Variants in KIF22 observed in about 807,000 individuals in gnomAD.
KIF22 encodes kinesin family member 22.
A neutral mutation model predicts 73.0 loss-of-function variants in KIF22; 62 were observed. That is an observed-to-expected ratio of 0.85 (90% CI 0.69 to 1.05). The LOEUF (loss-of-function observed/expected upper bound fraction) is 1.05, where lower values mean the gene tolerates loss of function less well. KIF22 is among the 50% of genes least tolerant of loss of function. The probability of loss-of-function intolerance (pLI) is 0.00; values close to 1 mark genes in which losing one functional copy is unlikely to be tolerated. For synonymous variants in KIF22, 411 were observed against 340.1 expected, an observed-to-expected ratio of 1.21 and a Z score of -2.29; for missense variants, 854 against 870.1, an observed-to-expected ratio of 0.98 and a Z score of 0.23.
Position 29,802,828 on chromosome 16 carries a change from A to G in KIF22, c.1340A>G (p.Asp447Gly). Reference protein sequence around the residue: ...PAMLERLLSLDRLLASQGSQG... With the variant: ...PAMLERLLSLGRLLASQGSQG... ...ATGCTGGAGCGCCTCCTCAGCTTGGACCGTCTGCTTGCCTCCCAGGGGAGC... is the reference window on the plus strand; with the variant it reads ...ATGCTGGAGCGCCTCCTCAGCTTGGGCCGTCTGCTTGCCTCCCAGGGGAGC... Residue 447 changes from aspartate (D) to glycine (G), a missense_variant, in exon 9 of 14, where the codon GAC (aspartate) becomes GGC (glycine). This residue lies in a region of KIF22 where 423 missense variants were observed against 365.4 expected (regional missense o/e 1.16). Transcript: ENST00000160827. 6.2e-7 allele frequency: 1 copy of G among 1,610,820 alleles called. No individual in the cohort carries two copies. Among genetic ancestry groups the G allele is most frequent in the Non-Finnish European group, 8.5e-7 (1 of 1,178,814 alleles).
Position 29,798,287 on chromosome 16 carries a change from A to AGCC in KIF22, c.267-87_267-86insGCC. On this transcript the variant is annotated intron_variant, in intron 2 of 13. Transcript: ENST00000160827. This position sits in a 1 kb window ranked among gnomAD's most constrained non-coding sequence, Gnocchi z 4.1. ...GGTCCAGATGAGAGTAGAATCCCTT[A>AGCC]CCCACCCCCACCCCACTCCACCCCT... 2 of 590,650 alleles carry AGCC rather than the reference A, an allele frequency of 3.4e-6. No homozygotes were observed. Among genetic ancestry groups the AGCC allele is most frequent in the Non-Finnish European group, 5.8e-6 (2 of 343,580 alleles). 36.6% of individuals were successfully genotyped at this position (590,650 alleles called of 1,614,324 possible).
At position 29,805,221 on chromosome 16, in the gene KIF22, C is replaced by T. The variant is rs774344513; in HGVS notation, c.1951-42C>T. 6 of 1,614,000 alleles carry T rather than the reference C, an allele frequency of 3.7e-6. No homozygotes were observed. In the African/African-American group the frequency reaches 6.7e-5, roughly 18 times the overall value. On this transcript the variant is annotated intron_variant, in intron 13 of 13. Coordinates refer to ENST00000160827, the MANE Select transcript of KIF22 (RefSeq NM_007317.3). ...TCCTCTGCCTGTCCTGCGCCCCGCGCCCCTCTCTAACGTCGCTGTCTCCCT... is the reference window on the plus strand; with the variant it reads ...TCCTCTGCCTGTCCTGCGCCCCGCGTCCCTCTCTAACGTCGCTGTCTCCCT...
At chr16:29,801,105 A>C (rs955857416) in intron 8 of KIF22, among the ~76,000 whole-genome samples, 1 of 152,054 alleles carries the variant, frequency 6.6e-6, no homozygotes, top group African/African-American at 2.4e-5. Context: ...CTCTCCGGGG[A>C]GCCAGCTGCT....
chr16:29,804,446 CA>C (rs1321711183), intron 11 of KIF22: 1 of 631,598 alleles, frequency 1.6e-6, no homozygotes, highest in Non-Finnish European at 2.9e-6. Context: ...GGGGAGGTAT[CA>C]TTTATTCATA....
In KIF22 at chr16:29,804,065, GGTGAAA is replaced by G; in HGVS notation, c.1677+3_1677+8del. ...TGAAGAATAAAGGCCGGAAGAGAAA[GGTGAAA>G]GTAGCTGGGGGCTTAGGCTACACCT... On this transcript the variant is annotated splice_donor_variant and splice_donor_5th_base_variant and intron_variant, in intron 11 of 13. Transcript: ENST00000160827. LOFTEE classifies it high-confidence loss of function. 1 of 1,613,048 alleles carries G rather than the reference GGTGAAA, an allele frequency of 6.2e-7. No homozygotes were observed. Among genetic ancestry groups the G allele is most frequent in the Non-Finnish European group, 8.5e-7 (1 of 1,179,052 alleles).
At chr16:29,803,061 T>C in intron 9 of KIF22, 124 bp downstream of exon 9, 1 of 920,100 alleles carries the variant, frequency 1.1e-6, no homozygotes, top group Non-Finnish European at 1.7e-6. Context: ...TACCGGAAGT[T>C]CTCCAGCTTC....
Position 29,804,848 on chromosome 16 carries a change from A to C in KIF22, c.1712A>C (p.Lys571Thr), listed in dbSNP as rs1350068698. The change falls in exon 12 of 14, where the codon AAG becomes ACG. Residue 571 changes from lysine (K) to threonine (T), a missense_variant. This residue lies in a region of KIF22 where 423 missense variants were observed against 365.4 expected (regional missense o/e 1.16). Coordinates refer to ENST00000160827, the MANE Select transcript of KIF22 (RefSeq NM_007317.3). The stretch of plus-strand genomic sequence containing the variant: ...CTGGATGCCCTAGAGCCTGAGGAGA[A>C]GGCTGAGGACTGCTGGGAGCTACAG... ...ESLDALEPEE[K>T]AEDCWELQIS... The C allele has an allele frequency of 5.0e-6, 8 of 1,613,178 alleles. No homozygotes were observed. Among genetic ancestry groups the C allele is most frequent in the African/African-American group, 1.3e-5 (1 of 75,038 alleles).
chr16:29,804,918 T>G lies in KIF22; in HGVS notation c.1782T>G (p.Asp594Glu), dbSNP rs1454299316. The G allele has an allele frequency of 2.5e-6, 4 of 1,613,732 alleles. No individual in the cohort carries two copies. The highest frequency in any genetic ancestry group is 3.4e-6 in the Non-Finnish European group (4 of 1,180,022). The change falls in exon 12 of 14, where the codon GAT (aspartate) becomes GAG (glutamate). Residue 594 changes from aspartate (D) to glutamate (E), a missense_variant. Asp to Glu is a conservative substitution (Grantham distance 45). Coordinates refer to ENST00000160827, the MANE Select transcript of KIF22 (RefSeq NM_007317.3). ...LLAHGRQKIL[D>E]LLNEGSARDL... ...CTCATGGGCGCCAAAAAATACTGGA[T>G]CTGCTGAACGAAGGCTCAGCCCGAG...
rs1899069482 is a variant in KIF22 at position 29,799,754 on chromosome 16, T to C, written c.1117T>C (p.Phe373Leu). The C allele has an allele frequency of 6.2e-7, 1 of 1,613,210 alleles. No individual in the cohort carries two copies. The highest frequency in any genetic ancestry group is 8.5e-7 in the Non-Finnish European group (1 of 1,179,668). ...ARSKEVINRP[F>L]TNESLQPHAL... is the part of the protein sequence containing the mutation. ...GTCCAAGGAGGTGATCAATCGGCCT[T>C]TTACCAATGAGAGCCTGCAGCCTCA... is the stretch of plus-strand genomic sequence containing the variant. The change falls in exon 7 of 14, where the codon TTT becomes CTT. Residue 373 changes from phenylalanine to leucine, a missense_variant. Transcript: ENST00000160827.
chr16:29,803,891 C>A, intron 10 of KIF22, 107 bp from the exon 11 acceptor site: 1 of 881,072 alleles, frequency 1.1e-6, no homozygotes, highest in Non-Finnish European at 1.9e-6. Flanking sequence ...CAGGTTAACT[C>A]TGGATGGAGG....
intron 11 of KIF22, 92 bp downstream of exon 11, chr16:29,804,157 C>G: frequency 9.8e-7 from 1 of 1,018,198 alleles, no homozygotes; most frequent in Non-Finnish European, 1.6e-6. Flanking sequence ...TGGGGTTAAA[C>G]GAACTGGATG....
rs1360543661 is a variant in KIF22 at position 29,805,248 on chromosome 16, C to T, written c.1951-15C>T. ...CCTCTCTAACGTCGCTGTCTCCCTC[C>T]CTCCTGTGTTGCAGGCAAACATCCT... is the stretch of plus-strand genomic sequence containing the variant. On this transcript the variant is annotated splice_polypyrimidine_tract_variant and intron_variant, in intron 13 of 13. Coordinates refer to ENST00000160827, the MANE Select transcript of KIF22 (RefSeq NM_007317.3). The T allele has an allele frequency of 1.2e-6, 2 of 1,613,852 alleles. No individual in the cohort carries two copies. The highest frequency in any genetic ancestry group is 1.7e-6 in the Non-Finnish European group (2 of 1,180,052).
At position 29,798,633 on chromosome 16, in the gene KIF22, G is replaced by T. The variant is rs1204672046; in HGVS notation, c.435G>T (p.Gly145=). The change falls in exon 4 of 14, where the codon GGG becomes GGT. Residue 145 remains glycine, a synonymous_variant. Transcript: ENST00000160827. The surrounding 1 kb of genome is among the most constrained non-coding windows in gnomAD (Gnocchi z 4.1). ...HTMLGSPEQP[G]VIPRALMDLL... is the part of the protein sequence containing the mutation. Reference sequence around the variant, plus strand: ...TGCTGGGCAGCCCAGAGCAACCTGGGGTGATCCCGCGGGCTCTCATGGACC... The same window carrying T: ...TGCTGGGCAGCCCAGAGCAACCTGGTGTGATCCCGCGGGCTCTCATGGACC... 3.7e-6 allele frequency: 6 copies of T among 1,614,166 alleles called. No individual in the cohort carries two copies. Among genetic ancestry groups the T allele is most frequent in the Non-Finnish European group, 4.2e-6 (5 of 1,180,038 alleles).
rs1417242701 is a variant in KIF22, at chr16:29,797,528, G to GT, written c.266+445dup. ...ATTTAAAGTTCAAACTCCTTGGCCTGTTTTTCTAGGCGGGGGCTGGCAAAC... is the reference window on the plus strand; with the variant it reads ...ATTTAAAGTTCAAACTCCTTGGCCTGTTTTTTCTAGGCGGGGGCTGGCAAAC... On this transcript the variant is annotated intron_variant, in intron 2 of 13. Transcript: ENST00000160827. The surrounding 1 kb of genome is among the most constrained non-coding windows in gnomAD (Gnocchi z 4.1). Among the ~76,000 whole-genome samples, 2 of 152,166 alleles carry GT rather than the reference G, an allele frequency of 1.3e-5. No individual in the cohort carries two copies. Among genetic ancestry groups the GT allele is most frequent in the Non-Finnish European group, 2.9e-5 (2 of 68,030 alleles).
Position 29,804,032 on chromosome 16 carries a change from C to G in KIF22, c.1644C>G (p.Ile548Met). 1 of 1,613,946 alleles carries G rather than the reference C, an allele frequency of 6.2e-7. No individual in the cohort carries two copies. The highest frequency in any genetic ancestry group is 8.5e-7 in the Non-Finnish European group (1 of 1,179,894). The change falls in exon 11 of 14, where the codon ATC becomes ATG. Residue 548 changes from isoleucine to methionine, a missense_variant. Transcript: ENST00000160827. ...AGGCAGCATCCCCAAATGCCGAGAT[C>G]CACATCCTGAAGAATAAAGGCCGGA... Reference protein sequence around the residue: ...QEQAASPNAEIHILKNKGRKR... With the variant: ...QEQAASPNAEMHILKNKGRKR...
rs184292991 is a variant in KIF22, at chr16:29,799,464, T to C, written c.960T>C (p.Tyr320=). 1 of 1,614,124 alleles carries C rather than the reference T, an allele frequency of 6.2e-7. No individual in the cohort carries two copies. The highest frequency in any genetic ancestry group is 1.3e-5 in the African/African-American group (1 of 75,036). ...ALNQGLPRVP[Y]RDSKLTRLLQ... is the part of the protein sequence containing the mutation. ...ATCAGGGCCTCCCTCGTGTACCTTA[T>C]CGGGACAGCAAGCTCACTCGCCTAT... Residue 320 remains tyrosine (Y), a synonymous_variant, in exon 6 of 14, where the codon TAT becomes TAC. Transcript: ENST00000160827.
intron 11 of KIF22, chr16:29,804,441 G>A (rs571893195): frequency 9.5e-6 from 6 of 628,596 alleles, no homozygotes; most frequent in South Asian, 6.7e-5. Context: ...GGTTGGGGGA[G>A]GTATCATTTA....
Position 29,798,249 on chromosome 16 carries a change from C to T in KIF22, c.267-125C>T, listed in dbSNP as rs905172441. On this transcript the variant is annotated intron_variant, in intron 2 of 13. Coordinates refer to ENST00000160827, the MANE Select transcript of KIF22 (RefSeq NM_007317.3). This position sits in a 1 kb window ranked among gnomAD's most constrained non-coding sequence, Gnocchi z 4.1. ...GTACAAGAAAGGGGATAGAGACGTT[C>T]TCTTAAATCCAAGGTCCAGATGAGA... 4.7e-6 allele frequency: 7 copies of T among 1,486,878 alleles called. No homozygotes were observed. Among genetic ancestry groups the T allele is most frequent in the Non-Finnish European group, 5.3e-6 (6 of 1,123,294 alleles). The allele number at this position is 1,486,878 out of a possible 1,614,324, so 92.1% of individuals were successfully genotyped here.
chr16:29,798,808 G>C lies in KIF22; in HGVS notation c.549+61G>C. On this transcript the variant is annotated intron_variant, in intron 4 of 13. Transcript: ENST00000160827. This position sits in a 1 kb window ranked among gnomAD's most constrained non-coding sequence, Gnocchi z 4.1. ...AGGGTCAAAGTAAGACCTGGTTCTAGAACATGAAGCTCTGCTGTAGCAGGG... is the reference window on the plus strand; with the variant it reads ...AGGGTCAAAGTAAGACCTGGTTCTACAACATGAAGCTCTGCTGTAGCAGGG... The C allele has an allele frequency of 6.3e-7, 1 of 1,587,942 alleles. No individual in the cohort carries two copies. The highest frequency in any genetic ancestry group is 8.6e-7 in the Non-Finnish European group (1 of 1,165,996).
Sources: allele counts gnomAD v4.1 joint callset (sites outside exome capture counted in the v4.1 genomes callset), GRCh38; gene constraint gnomAD v4.1.1; regional missense constraint gnomAD v4.1.1; non-coding constraint Gnocchi (gnomAD v3.1); transcripts MANE v1.5; gene names NCBI Gene and HGNC (gene_info 2026-07-23, HGNC 2026-07-21).